The following KDM4B variants were observed in gnomAD, a reference collection of about 807,000 sequenced individuals.
KDM4B encodes the protein lysine demethylase 4B.
In KDM4B, 32 loss-of-function variants were observed where a neutral mutation model predicts 125.2. That is an observed-to-expected ratio of 0.26 (90% confidence interval 0.19 to 0.34). The LOEUF is 0.34. Among genes scored for constraint, KDM4B ranks in the 10% least tolerant of loss-of-function variants. The pLI, the probability that KDM4B is intolerant of heterozygous loss-of-function variation, is 1.00. For synonymous variants in KDM4B, 721 were observed against 677.9 expected, an observed-to-expected ratio of 1.06 and a Z score of -0.99; for missense variants, 1,190 against 1,577.7, an observed-to-expected ratio of 0.75 and a Z score of 4.16.
chr19:4,970,381 TA>T (rs745553111), intron 1 of KDM4B, among the ~76,000 whole-genome samples: 1 of 152,222 alleles, frequency 6.6e-6, no homozygotes, highest in Non-Finnish European at 1.5e-5. Context: ...GATCCTGTCA[TA>T]TGTGAAGAGC....
chr19:5,033,127 G>C, intron 3 of KDM4B, 96 bp downstream of exon 3: 8 of 1,411,594 alleles, frequency 5.7e-6, no homozygotes, highest in Non-Finnish European at 6.8e-6. Flanking sequence ...CCACAGGCGT[G>C]GCCTGTGCAC....
At chr19:5,129,731 G>A (rs1213802203) in intron 11 of KDM4B, among the ~76,000 whole-genome samples, 1 of 152,176 alleles carries the variant, frequency 6.6e-6, no homozygotes, top group Non-Finnish European at 1.5e-5. Flanking sequence ...AGAGCCTTAG[G>A]GCCTGGAGAC....
At chr19:5,072,646 C>T (rs986787203) in intron 7 of KDM4B, among the ~76,000 whole-genome samples, 3 of 152,210 alleles carry the variant, frequency 2.0e-5, no homozygotes, top group Non-Finnish European at 4.4e-5. Context: ...AAGACATAAG[C>T]TAAAGAAACA....
At chr19:5,110,600 C>T (rs1289528345) in intron 9 of KDM4B, 22 bp from the exon 10 acceptor site, 2 of 1,612,344 alleles carry the variant, frequency 1.2e-6, no homozygotes, top group South Asian at 1.1e-5. Flanking sequence ...CGCGAGGGCT[C>T]AGACCGTGTC....
At chr19:5,047,736 G>T in intron 6 of KDM4B, 67 bp downstream of exon 6, 1 of 1,514,556 alleles carries the variant, frequency 6.6e-7, no homozygotes. Context: ...TCAATCCCGG[G>T]TACACGGCTG....
At chr19:5,146,166 C>T (rs1321521464) in intron 21 of KDM4B, among the ~76,000 whole-genome samples, 1 of 150,622 alleles carries the variant, frequency 6.6e-6, no homozygotes, top group Non-Finnish European at 1.5e-5. Context: ...ACTGAGCATC[C>T]AGGACCGCCT....
intron 3 of KDM4B, among the ~76,000 whole-genome samples, chr19:5,036,728 T>G (rs2036638620): frequency 6.6e-6 from 1 of 152,246 alleles, no homozygotes; most frequent in African/African-American, 2.4e-5. Flanking sequence ...AGTGTGGCAG[T>G]AGGAATGTCC....
In KDM4B at chr19:5,131,164, C is replaced by T; in HGVS notation, c.1404C>T (p.Pro468=). The stretch of plus-strand genomic sequence containing the variant: ...GCCTGCTGCCCCCACAGCTGCCGCC[C>T]CCGCCTGCTCACTTCCCCTCAGAGG... ...SFGLLPPQLP[P]PPAHFPSEEA... Residue 468 remains proline, a synonymous_variant, in exon 12 of 23, where the codon CCC becomes CCT. Coordinates refer to ENST00000159111, the MANE Select transcript of KDM4B (RefSeq NM_015015.3). 2 of 1,575,084 alleles carry T rather than the reference C, an allele frequency of 1.3e-6. No individual in the cohort carries two copies. The highest frequency in any genetic ancestry group is 1.7e-6 in the Non-Finnish European group (2 of 1,159,248).
At chr19:5,100,735 T>C (rs1208414838) in intron 9 of KDM4B, among the ~76,000 whole-genome samples, 4 of 152,190 alleles carry the variant, frequency 2.6e-5, no homozygotes, top group Non-Finnish European at 5.9e-5. Context: ...TTTTATTAAT[T>C]TGTTTTCTGG....
chr19:5,088,399 C>T lies in KDM4B; in HGVS notation c.918+5895C>T, dbSNP rs58902122. ...CCCCGTGATTCCTGGACCACGCAGG[C>T]CATATCACTCGGACACCACGGATAC... is the stretch of plus-strand genomic sequence containing the variant. On this transcript the variant is annotated intron_variant, in intron 9 of 22. Coordinates refer to ENST00000159111, the MANE Select transcript of KDM4B (RefSeq NM_015015.3). 3.3e-3 allele frequency among the ~76,000 whole-genome samples: 496 copies of T among 152,306 alleles called. 2 individuals are homozygous for T. The highest frequency in any genetic ancestry group is 0.011 in the African/African-American group (468 of 41,556).
rs565731921 is a variant in KDM4B, at chr19:5,077,658, A to T, written c.780+188A>T. The T allele has an allele frequency of 4.9e-5, 28 of 572,312 alleles. No homozygotes were observed. The Admixed American group carries it at 9.1e-4, about 19-fold the overall frequency. The allele number at this position is 572,312 out of a possible 1,614,324, so 35.5% of individuals were successfully genotyped here. Reference sequence around the variant, plus strand: ...CCAGCTCTTCCACGGGGAAGCGAAGATGGCAGAGCTTGAATCTGGCGGGGT... The same window carrying T: ...CCAGCTCTTCCACGGGGAAGCGAAGTTGGCAGAGCTTGAATCTGGCGGGGT... On this transcript the variant is annotated intron_variant, in intron 8 of 22. Transcript: ENST00000159111.
At chr19:5,051,637 G>A (rs1369541835) in intron 6 of KDM4B, among the ~76,000 whole-genome samples, 1 of 152,232 alleles carries the variant, frequency 6.6e-6, no homozygotes, top group Non-Finnish European at 1.5e-5. Context: ...CAGGTGCGTG[G>A]CAGCCACAGA....
Position 5,134,058 on chromosome 19 carries a change from C to T in KDM4B, c.2082C>T (p.Cys694=), listed in dbSNP as rs755609199. 4 of 1,583,926 alleles carry T rather than the reference C, an allele frequency of 2.5e-6. No homozygotes were observed. The highest frequency in any genetic ancestry group is 1.3e-5 in the African/African-American group (1 of 74,390). Reference sequence around the variant, plus strand: ...TCTGCACGCTCTTCTACCCCTACTGCCAGGTGGGCAGGCGGGCCTCACGGG... The same window carrying T: ...TCTGCACGCTCTTCTACCCCTACTGTCAGGTGGGCAGGCGGGCCTCACGGG... ...CAICTLFYPY[C]QALQTEKEAP... is the part of the protein sequence containing the mutation. Residue 694 remains cysteine (C), a synonymous_variant, in exon 14 of 23, where the codon TGC becomes TGT. Coordinates refer to ENST00000159111, the MANE Select transcript of KDM4B (RefSeq NM_015015.3).
intron 9 of KDM4B, among the ~76,000 whole-genome samples, chr19:5,086,867 C>T (rs1280775304): frequency 1.3e-5 from 2 of 152,372 alleles, no homozygotes; most frequent in Admixed American, 1.3e-4. Context: ...GAGGCCCAGC[C>T]CTCAGCCCAG....
intron 1 of KDM4B, among the ~76,000 whole-genome samples, chr19:4,979,884 C>T (rs777437163): frequency 6.6e-6 from 1 of 152,206 alleles, no homozygotes; most frequent in Non-Finnish European, 1.5e-5. Context: ...GGGCAGATCA[C>T]TTGAGGTCAG....
chr19:5,119,809 G>C lies in KDM4B; in HGVS notation c.1272G>C (p.Glu424Asp). ...TTGACCCCGAGGAGGAGGAGGAGGA[G>C]CCGCAGCCACTGCCACACGGCCGGG... ...PEVDPEEEEE[E>D]PQPLPHGREA... is the part of the protein sequence containing the mutation. Residue 424 changes from glutamate to aspartate, a missense_variant, in exon 11 of 23, where the codon GAG becomes GAC. Around this residue, in one of 7 missense-constraint regions of KDM4B, gnomAD observed 428 missense variants for 405.1 expected, o/e 1.06. Transcript: ENST00000159111. 2 of 1,543,844 alleles carry C rather than the reference G, an allele frequency of 1.3e-6. No individual in the cohort carries two copies. Among genetic ancestry groups the C allele is most frequent in the Non-Finnish European group, 1.7e-6 (2 of 1,144,354 alleles).
chr19:5,071,117 G>A, intron 7 of KDM4B, 58 bp downstream of exon 7: 1 of 1,537,844 alleles, frequency 6.5e-7, no homozygotes, highest in South Asian at 1.1e-5. Context: ...GGGCCTGTGG[G>A]TGGGGAAGGG....
At position 5,104,086 on chromosome 19, in the gene KDM4B, G is replaced by A. The variant is rs372232346; in HGVS notation, c.919-6536G>A. Among the ~76,000 whole-genome samples, 24 of 152,334 alleles carry A rather than the reference G, an allele frequency of 1.6e-4. No individual in the cohort carries two copies. In the South Asian group the frequency reaches 3.5e-3, roughly 22 times the overall value. On this transcript the variant is annotated intron_variant, in intron 9 of 22. Transcript: ENST00000159111. ...TGGGAAAAAGTGTCCTGTGGCTGCT[G>A]GGTGGGTGGCAGGGAGGCTGGCCGA... is the stretch of plus-strand genomic sequence containing the variant.
At chr19:5,101,537 AAAAAC>A (rs1456945693) in intron 9 of KDM4B, among the ~76,000 whole-genome samples, 2 of 151,908 alleles carry the variant, frequency 1.3e-5, no homozygotes, top group Admixed American at 1.3e-4. Flanking sequence ...TCTGAAAAAA[AAAAAC>A]AAAACCCCAA....
Sources: allele counts gnomAD v4.1 joint callset (sites outside exome capture counted in the v4.1 genomes callset), GRCh38; gene constraint gnomAD v4.1.1; regional missense constraint gnomAD v4.1.1; transcripts MANE v1.5; gene names NCBI Gene and HGNC (gene_info 2026-07-23, HGNC 2026-07-21).